Variants in CAPN5 observed in about 807,000 individuals in gnomAD.
The protein encoded by CAPN5 is calpain 5, also known as calpain-5.
Under a neutral mutation model 73.0 loss-of-function variants are expected in CAPN5, and 54 were observed. That is an observed-to-expected ratio of 0.74 (90% confidence interval 0.59 to 0.93). CAPN5 has a LOEUF of 0.93. Ranked by LOEUF, CAPN5 falls within the 40% of genes least tolerant of loss-of-function variation. The pLI is 0.00. For synonymous variants in CAPN5, 335 were observed against 356.9 expected, an observed-to-expected ratio of 0.94 and a Z score of 0.69; for missense variants, 785 against 882.9, an observed-to-expected ratio of 0.89 and a Z score of 1.41.
In CAPN5 at chr11:77,114,318, G is replaced by C. The variant is rs1262265277; in HGVS notation, c.583G>C (p.Glu195Gln). Residue 195 changes from glutamate to glutamine, a missense_variant, in exon 5 of 13, where the codon GAG becomes CAG. Coordinates refer to ENST00000648180, the MANE Select transcript of CAPN5 (RefSeq NM_004055.5). ...GGTGGACTTCACGGGTGGTGTTTCT[G>C]AGCCCATCGACCTGACCGAGGGTGA... ...ALVDFTGGVS[E>Q]PIDLTEGDFA... 1 of 1,614,076 alleles carries C rather than the reference G, an allele frequency of 6.2e-7. No homozygotes were observed. Among genetic ancestry groups the C allele is most frequent in the Non-Finnish European group, 8.5e-7 (1 of 1,180,038 alleles).
At chr11:77,115,692 TG>T (rs1950460482) in intron 6 of CAPN5, 104 bp downstream of exon 6, 3 of 847,304 alleles carry the variant, frequency 3.5e-6, no homozygotes, top group Non-Finnish European at 5.6e-6. Flanking sequence ...TTGAAGGATC[TG>T]GGGGAGGATG....
chr11:77,119,233 G>A, intron 9 of CAPN5, 81 bp downstream of exon 9: 4 of 1,460,544 alleles, frequency 2.7e-6, no homozygotes, highest in Non-Finnish European at 2.8e-6. Context: ...GAGGAAGAAC[G>A]CTCTAGAACA....
intron 2 of CAPN5, among the ~76,000 whole-genome samples, chr11:77,090,763 C>A (rs892329608): frequency 6.6e-6 from 1 of 152,190 alleles, no homozygotes; most frequent in Non-Finnish European, 1.5e-5. Flanking sequence ...TCTCCCTTCC[C>A]GGTCTTGCCT....
At chr11:77,105,253 A>G (rs550042954) in intron 3 of CAPN5, among the ~76,000 whole-genome samples, 37 of 148,894 alleles carry the variant, frequency 2.5e-4, no homozygotes, top group Non-Finnish European at 5.4e-4. Context: ...CCCTTTCACA[A>G]TCCCTCACGG....
At chr11:77,112,438 C>T (rs3781684) in intron 3 of CAPN5, 151 bp from the exon 4 acceptor site, 56,298 of 652,574 alleles carry the variant, frequency 0.086, 3,458 homozygotes, top group East Asian at 0.26. Context: ...AGGATTCATC[C>T]GGGTCTCACG....
rs1591147728 is a variant in CAPN5, at chr11:77,118,221, T to C, written c.1036T>C (p.Ser346Pro). The change falls in exon 8 of 13, where the codon TCC becomes CCC. Residue 346 changes from serine (S) to proline (P), a missense_variant. By Grantham distance (74) the Ser-to-Pro change is moderately conservative. Coordinates refer to ENST00000648180, the MANE Select transcript of CAPN5 (RefSeq NM_004055.5). The stretch of plus-strand genomic sequence containing the variant: ...CATCAAGTGCCGCGTGATCAACACA[T>C]CCCACCTGAGCATCCACAAGACGTG... ...DIIKCRVINT[S>P]HLSIHKTWEE... 1 of 1,614,090 alleles carries C rather than the reference T, an allele frequency of 6.2e-7. No homozygotes were observed.
intron 1 of CAPN5, among the ~76,000 whole-genome samples, chr11:77,076,765 A>G (rs1307468557): frequency 6.6e-6 from 1 of 152,214 alleles, no homozygotes; most frequent in Non-Finnish European, 1.5e-5. Flanking sequence ...CCATTCATCC[A>G]TTGATGGACT....
intron 2 of CAPN5, chr11:77,087,853 A>G: frequency 6.6e-7 from 1 of 1,515,612 alleles, no homozygotes; most frequent in Non-Finnish European, 8.8e-7. Flanking sequence ...AGGTGGGACC[A>G]GGCCTTGTCC....
intron 3 of CAPN5, chr11:77,103,205 C>T: frequency 6.2e-7 from 1 of 1,613,730 alleles, no homozygotes; most frequent in Non-Finnish European, 8.5e-7. Flanking sequence ...AGGCCGACGC[C>T]CTGGAGTTTG....
At chr11:77,119,237 T>G in intron 9 of CAPN5, 85 bp downstream of exon 9, 55 of 1,442,514 alleles carry the variant, frequency 3.8e-5, no homozygotes, top group Non-Finnish European at 4.4e-5. Flanking sequence ...AAGAACGCTC[T>G]AGAACACCTT....
chr11:77,119,405 A>C (rs1555042338), intron 9 of CAPN5: 1 of 502,628 alleles, frequency 2.0e-6, no homozygotes. Flanking sequence ...CAGGCCTGGG[A>C]TGTTTGGTGG....
At chr11:77,070,560 C>A (rs531083683) in intron 1 of CAPN5, among the ~76,000 whole-genome samples, 1 of 152,230 alleles carries the variant, frequency 6.6e-6, no homozygotes, top group African/African-American at 2.4e-5. Flanking sequence ...CTTCTCCGGG[C>A]AGGAGAGGCG....
chr11:77,113,570 G>C (rs1950433765), intron 4 of CAPN5, among the ~76,000 whole-genome samples: 1 of 152,086 alleles, frequency 6.6e-6, no homozygotes, highest in South Asian at 2.1e-4. Context: ...GCAGGAGCAA[G>C]GAGAGAGAGA....
intron 3 of CAPN5, chr11:77,102,959 G>A (rs201474715): frequency 3.7e-5 from 59 of 1,613,172 alleles, no homozygotes; most frequent in Non-Finnish European, 4.8e-5. Context: ...AGAAGCGCCA[G>A]GATGGGGAGA....
At position 77,073,070 on chromosome 11, in the gene CAPN5, G is replaced by A. The variant is rs547099432; in HGVS notation, c.-36+5976G>A. ...GAGAGAGAATGTCCTGCACAGGGAC[G>A]CCCAGCTGTATCTACCTGCTGTCAG... On this transcript the variant is annotated intron_variant, in intron 1 of 12. Transcript: ENST00000648180. 7.1e-5 allele frequency: 91 copies of A among 1,289,608 alleles called. No individual in the cohort carries two copies. In the South Asian group the frequency reaches 8.8e-4, roughly 12 times the overall value. 79.9% of individuals were successfully genotyped at this position (1,289,608 alleles called of 1,614,324 possible).
At chr11:77,093,955 C>T in intron 3 of CAPN5, 142 bp downstream of exon 3, 2 of 1,199,472 alleles carry the variant, frequency 1.7e-6, no homozygotes, top group Non-Finnish European at 2.3e-6. Flanking sequence ...GCCCCCAGTA[C>T]TGGCCGAGCG....
At chr11:77,105,228 G>T (rs979468420) in intron 3 of CAPN5, among the ~76,000 whole-genome samples, 1 of 151,604 alleles carries the variant, frequency 6.6e-6, no homozygotes, top group African/African-American at 2.4e-5. Context: ...GCAGTGTCTC[G>T]CCATCAGCCC....
chr11:77,114,855 C>G (rs997425091), intron 5 of CAPN5, among the ~76,000 whole-genome samples: 2 of 151,638 alleles, frequency 1.3e-5, no homozygotes, highest in Non-Finnish European at 2.9e-5. Flanking sequence ...GGTGTAAATA[C>G]TCCCACCATG....
intron 1 of CAPN5, among the ~76,000 whole-genome samples, chr11:77,068,426 G>A (rs1949868670): frequency 6.6e-6 from 1 of 152,064 alleles, no homozygotes; most frequent in Admixed American, 6.5e-5. Context: ...TGGGTGCCCG[G>A]GAGCTGGGGA....
Sources: allele counts gnomAD v4.1 joint callset (sites outside exome capture counted in the v4.1 genomes callset), GRCh38; gene constraint gnomAD v4.1.1; transcripts MANE v1.5; gene names NCBI Gene and HGNC (gene_info 2026-07-23, HGNC 2026-07-21).